The following HEATR5A variants were observed in gnomAD, a reference collection of about 807,000 sequenced individuals.
HEATR5A encodes HEAT repeat-containing protein 5A.
A neutral mutation model predicts 218.8 loss-of-function variants in HEATR5A; 178 were observed. That is an observed-to-expected ratio of 0.81 (90% confidence interval 0.72 to 0.92). The LOEUF is 0.92. Ranked by LOEUF, HEATR5A falls within the 40% of genes least tolerant of loss-of-function variation. The pLI is 0.00. For missense variants in HEATR5A, 2,420 were observed against 2,418.9 expected (o/e 1.00, Z -0.01); for synonymous variants, 864 against 871.6 (o/e 0.99, Z 0.15).
intron 33 of HEATR5A, among the ~76,000 whole-genome samples, chr14:31,299,265 A>C (rs1899287586): frequency 6.6e-6 from 1 of 152,222 alleles, no homozygotes; most frequent in African/African-American, 2.4e-5. Context: ...ACTATCAGTA[A>C]GTTCTGTTGA....
chr14:31,323,596 T>A lies in HEATR5A; in HGVS notation c.3756A>T (p.Leu1252Phe). The A allele has an allele frequency of 1.9e-6, 3 of 1,610,830 alleles. No homozygotes were observed. The highest frequency in any genetic ancestry group is 2.5e-6 in the Non-Finnish European group (3 of 1,178,038). Reference protein sequence around the residue: ...NANSAHFDIALAQEMKKRDSR... With the variant: ...NANSAHFDIAFAQEMKKRDSR... ...AATCTCTTTTTTTCATTTCTTGTGCTAAAGCAATGTCAAAATGTGCACTGT... is the reference window on the plus strand; with the variant it reads ...AATCTCTTTTTTTCATTTCTTGTGCAAAAGCAATGTCAAAATGTGCACTGT... Residue 1252 changes from leucine (L) to phenylalanine (F), a missense_variant, in exon 24 of 36, where the codon TTA becomes TTT. Physicochemically the swap from Leu to Phe is conservative, Grantham distance 22. Transcript: ENST00000543095.
chr14:31,402,969 A>C lies in HEATR5A; in HGVS notation c.7T>G (p.Leu3Val). ...TCATTCAGCAGTAAGCTATGAGCTA[A>C]TTCCATTCCTTGCAGCAATCCTCCC... ME[L>V]AHSLLLNEEA... The change falls in exon 2 of 36, where the codon TTA (leucine) becomes GTA (valine). Residue 3 changes from leucine to valine, a missense_variant. Transcript: ENST00000543095. 1 of 1,535,620 alleles carries C rather than the reference A, an allele frequency of 6.5e-7. No individual in the cohort carries two copies. Among genetic ancestry groups the C allele is most frequent in the Non-Finnish European group, 8.7e-7 (1 of 1,146,552 alleles).
At position 31,364,119 on chromosome 14, in the gene HEATR5A, T is replaced by C. The variant is rs549685188; in HGVS notation, c.2071+70A>G. On this transcript the variant is annotated intron_variant, in intron 14 of 35. Transcript: ENST00000543095. Reference sequence around the variant, plus strand: ...ATAATTCATTTAAATATTTAATGAGTGACAATAACTATTGTTCCAGAAACC... The same window carrying C: ...ATAATTCATTTAAATATTTAATGAGCGACAATAACTATTGTTCCAGAAACC... The C allele has an allele frequency of 1.8e-5, 11 of 618,728 alleles. No homozygotes were observed. The Admixed American group carries it at 2.7e-4, about 15-fold the overall frequency. 38.3% of individuals were successfully genotyped at this position (618,728 alleles called of 1,614,324 possible). A position where few individuals can be genotyped will look rare whatever the true frequency, so the allele number is the denominator to read the frequency against.
intron 19 of HEATR5A, among the ~76,000 whole-genome samples, chr14:31,346,953 G>A (rs900187187): frequency 1.3e-5 from 2 of 152,116 alleles, no homozygotes; most frequent in African/African-American, 4.8e-5. Flanking sequence ...ACAACGATAT[G>A]GTAAAGTGGT....
At chr14:31,341,839 G>A (rs1455817756) in intron 21 of HEATR5A, among the ~76,000 whole-genome samples, 1 of 149,618 alleles carries the variant, frequency 6.7e-6, no homozygotes, top group Non-Finnish European at 1.5e-5. Flanking sequence ...AAGACAAGAA[G>A]AAAAAACGGC....
In HEATR5A at chr14:31,309,765, G is replaced by T. The variant is rs530074291; in HGVS notation, c.4442-583C>A. ...TCAGACAGTCTCACTGCAGTGGCGT[G>T]ATGTCGGCTCACTGCCAACCTCTGA... On this transcript the variant is annotated intron_variant, in intron 28 of 35. Transcript: ENST00000543095. 4.2e-4 allele frequency among the ~76,000 whole-genome samples: 64 copies of T among 151,504 alleles called. 3 individuals carry two copies. The South Asian group carries it at 0.013, about 31-fold the overall frequency.
intron 13 of HEATR5A, among the ~76,000 whole-genome samples, chr14:31,365,036 G>A (rs572452584): frequency 1.1e-4 from 16 of 151,878 alleles, no homozygotes; most frequent in East Asian, 2.0e-4. Context: ...CACCATGCCC[G>A]GCTAATTTTT....
At chr14:31,377,637 C>T (rs1902279270) in intron 11 of HEATR5A, among the ~76,000 whole-genome samples, 1 of 151,914 alleles carries the variant, frequency 6.6e-6, no homozygotes, top group Non-Finnish European at 1.5e-5. Flanking sequence ...AAAAAATTAG[C>T]CAGGCAGGGT....
Position 31,388,982 on chromosome 14 carries a change from T to C in HEATR5A, c.796A>G (p.Arg266Gly), listed in dbSNP as rs1277179532. Residue 266 changes from arginine to glycine, a missense_variant, in exon 7 of 36, where the codon AGA becomes GGA. Arg to Gly is a moderately radical substitution (Grantham distance 125, BLOSUM62 -2). Transcript: ENST00000543095. ...GTAASRQSIR[R>G]VSLEEVLELL... ...TCCAGAACTTCCTCCAAAGATACTC[T>C]GCGAATGCTTTGACGTGAGGCTGCT... is the stretch of plus-strand genomic sequence containing the variant. 4 of 1,612,858 alleles carry C rather than the reference T, an allele frequency of 2.5e-6. No individual in the cohort carries two copies. The African/African-American group carries it at 5.3e-5, about 22-fold the overall frequency.
At chr14:31,366,015 A>C (rs1901789808) in intron 13 of HEATR5A, among the ~76,000 whole-genome samples, 1 of 152,198 alleles carries the variant, frequency 6.6e-6, no homozygotes, top group South Asian at 2.1e-4. Context: ...CTCTAGAAGA[A>C]AGGAGAGTTA....
chr14:31,380,669 C>A, intron 10 of HEATR5A, 91 bp from the exon 11 acceptor site: 1 of 784,878 alleles, frequency 1.3e-6, no homozygotes, highest in Non-Finnish European at 2.1e-6. Flanking sequence ...AAAATTAATT[C>A]TTACATAAAA....
intron 24 of HEATR5A, among the ~76,000 whole-genome samples, chr14:31,322,556 T>A (rs1038483028): frequency 8.5e-5 from 13 of 152,172 alleles, no homozygotes; most frequent in Non-Finnish European, 1.9e-4. Context: ...TGGTGGCTAA[T>A]GCCTGTAATC....
chr14:31,371,982 A>G, intron 12 of HEATR5A, 73 bp from the exon 13 acceptor site: 1 of 643,660 alleles, frequency 1.6e-6, no homozygotes, highest in South Asian at 2.2e-5. Flanking sequence ...TTATGGTACA[A>G]CATTAGCATT....
At chr14:31,347,139 T>TA (rs1282423727) in intron 19 of HEATR5A, among the ~76,000 whole-genome samples, 1 of 152,206 alleles carries the variant, frequency 6.6e-6, no homozygotes, top group Non-Finnish European at 1.5e-5. Context: ...CTATGAGACT[T>TA]AGAAGAATGT....
intron 16 of HEATR5A, among the ~76,000 whole-genome samples, chr14:31,355,089 T>C (rs566754781): frequency 6.6e-6 from 1 of 152,304 alleles, no homozygotes; most frequent in East Asian, 1.9e-4. Flanking sequence ...AACTCATTCT[T>C]TGCAATTAGA....
rs779311007 is a variant in HEATR5A, at chr14:31,308,917, A to C, written c.4690+17T>G. ...AAACCCCTAAGGTTGTAAACTTGTA[A>C]AAGTGGTTTAACTGACCTAAAATAA... On this transcript the variant is annotated intron_variant, in intron 29 of 35. Coordinates refer to ENST00000543095, the MANE Select transcript of HEATR5A (RefSeq NM_015473.4). The C allele has an allele frequency of 1.3e-6, 2 of 1,598,740 alleles. No individual in the cohort carries two copies. Among genetic ancestry groups the C allele is most frequent in the Non-Finnish European group, 1.7e-6 (2 of 1,170,394 alleles).
rs79221264 is a variant in HEATR5A, at chr14:31,352,333, A to G, written c.2412-1616T>C. ...ATGTAGTAGGCAGTCAGGTGTGCTT[A>G]TTAAGCAAGCATAAAAGACAACAGC... is the stretch of plus-strand genomic sequence containing the variant. On this transcript the variant is annotated intron_variant, in intron 16 of 35. Coordinates refer to ENST00000543095, the MANE Select transcript of HEATR5A (RefSeq NM_015473.4). Among the ~76,000 whole-genome samples the G allele has an allele frequency of 1.1e-3, 161 of 152,326 alleles. 4 individuals carry two copies. The East Asian group carries it at 0.03, about 28-fold the overall frequency.
chr14:31,340,424 T>A, intron 21 of HEATR5A: 1 of 1,280,772 alleles, frequency 7.8e-7, no homozygotes. Flanking sequence ...TCAAAAAAAG[T>A]TAGGAATCAA....
In HEATR5A at chr14:31,304,966, A is replaced by C. The variant is rs2139136166; in HGVS notation, c.5178T>G (p.Ser1726Arg). ...TKPQILLEDG[S>R]RLVSAALVIL... ...TAACCAATGCAGCTGAAACCAATCT[A>C]CTTCCATCTTCTAATAGTATCTGTG... The change falls in exon 32 of 36, where the codon AGT (serine) becomes AGG (arginine). Residue 1726 changes from serine to arginine, a missense_variant. Ser to Arg is a moderately radical substitution (Grantham distance 110, BLOSUM62 -1). Coordinates refer to ENST00000543095, the MANE Select transcript of HEATR5A (RefSeq NM_015473.4). The C allele has an allele frequency of 6.2e-7, 1 of 1,613,990 alleles. No homozygotes were observed. Among genetic ancestry groups the C allele is most frequent in the East Asian group, 2.2e-5 (1 of 44,884 alleles).
Sources: gnomAD v4.1 joint callset for allele counts (sites outside exome capture counted in the v4.1 genomes callset) on GRCh38, gnomAD v4.1.1 for gene constraint, MANE v1.5 for transcripts, NCBI Gene and HGNC (gene_info 2026-07-23, HGNC 2026-07-21) for gene names.